NGLY1: variants seen among roughly 807,000 people sequenced by gnomAD.
The protein encoded by NGLY1 is N-glycanase 1.
In NGLY1, 68 loss-of-function variants were observed where a neutral mutation model predicts 84.6. The observed-to-expected ratio is 0.80, with a 90% CI of 0.66 to 0.98. The LOEUF (loss-of-function observed/expected upper bound fraction) is 0.98, where lower values mean the gene tolerates loss of function less well. Among genes scored for constraint, NGLY1 ranks in the 50% least tolerant of loss-of-function variants. NGLY1 has a pLI of 0.00. For synonymous variants in NGLY1, 280 were observed against 275.2 expected (o/e 1.02, Z -0.17); for missense variants, 779 against 770.2 (o/e 1.01, Z -0.14).
intron 3 of NGLY1, chr3:25,755,182 C>T: frequency 7.8e-7 from 1 of 1,289,068 alleles, no homozygotes; most frequent in South Asian, 1.2e-5. Context: ...CCTCTCTTCC[C>T]CCAAGAGGTT....
At chr3:25,760,607 C>T (rs940948285) in intron 3 of NGLY1, among the ~76,000 whole-genome samples, 1 of 152,004 alleles carries the variant, frequency 6.6e-6, no homozygotes, top group African/African-American at 2.4e-5. Context: ...ACGCCTGTAA[C>T]CCAGCACTTT....
At chr3:25,758,450 C>A (rs1388171836) in intron 3 of NGLY1, among the ~76,000 whole-genome samples, 1 of 151,998 alleles carries the variant, frequency 6.6e-6, no homozygotes, top group Non-Finnish European at 1.5e-5. Flanking sequence ...TTGGGGCACA[C>A]ACCTGTAGTC....
chr3:25,760,500 T>C (rs1707256736), intron 3 of NGLY1, among the ~76,000 whole-genome samples: 1 of 151,802 alleles, frequency 6.6e-6, no homozygotes, highest in African/African-American at 2.4e-5. Flanking sequence ...CTTTTAAGAG[T>C]GGTAGGTTCA....
intron 4 of NGLY1, among the ~76,000 whole-genome samples, chr3:25,742,881 T>C (rs1432605872): frequency 2.5e-5 from 2 of 79,808 alleles, no homozygotes; most frequent in African/African-American, 1.0e-4. Flanking sequence ...TTACCTTATG[T>C]GGCAAAAAAA....
rs148625951 is a variant in NGLY1, at chr3:25,719,524, C to G, written c.1901G>C (p.Arg634Thr). 4 of 1,613,882 alleles carry G rather than the reference C, an allele frequency of 2.5e-6. No homozygotes were observed. Among genetic ancestry groups the G allele is most frequent in the African/African-American group, 1.3e-5 (1 of 74,902 alleles). The change falls in exon 12 of 12, where the codon AGA (arginine) becomes ACA (threonine). Residue 634 changes from arginine to threonine, a missense_variant. Coordinates refer to ENST00000280700, the MANE Select transcript of NGLY1 (RefSeq NM_018297.4). ...TTCTTCATGGTCATTTAAGCTTTGTCTAAACAGCTGGGTGTGTTGCCAAGC... is the reference window on the plus strand; with the variant it reads ...TTCTTCATGGTCATTTAAGCTTTGTGTAAACAGCTGGGTGTGTTGCCAAGC... ...DVAWQHTQLF[R>T]QSLNDHEENC...
At chr3:25,733,438 C>T (rs1705644668) in intron 8 of NGLY1, among the ~76,000 whole-genome samples, 1 of 148,982 alleles carries the variant, frequency 6.7e-6, no homozygotes, top group African/African-American at 2.5e-5. Flanking sequence ...ACTTCCTGTG[C>T]CTTGCTTCAG....
intron 4 of NGLY1, among the ~76,000 whole-genome samples, chr3:25,745,153 T>C (rs1203249178): frequency 6.6e-6 from 1 of 152,240 alleles, no homozygotes; most frequent in Non-Finnish European, 1.5e-5. Flanking sequence ...TCAGCAATAA[T>C]GGAAATAATT....
In NGLY1 at chr3:25,733,914, T is replaced by C. The variant is rs1425459428; in HGVS notation, c.1218A>G (p.Lys406=). 1.9e-6 allele frequency: 3 copies of C among 1,613,776 alleles called. No homozygotes were observed. Among genetic ancestry groups the C allele is most frequent in the Non-Finnish European group, 2.5e-6 (3 of 1,179,908 alleles). ...TAATAGTGTCTCGAAGTAATGCTTC[T>C]TTAACCTTAGTTCTTCTGGCAATCA... is the stretch of plus-strand genomic sequence containing the variant. ...EEVIARRTKV[K]EALLRDTING... is the part of the protein sequence containing the mutation. Residue 406 remains lysine, a synonymous_variant, in exon 8 of 12, where the codon AAA becomes AAG. Coordinates refer to ENST00000280700, the MANE Select transcript of NGLY1 (RefSeq NM_018297.4).
chr3:25,778,707 T>C lies in NGLY1; in HGVS notation c.132-19A>G, dbSNP rs374594731. The C allele has an allele frequency of 4.1e-6, 6 of 1,470,292 alleles. No individual in the cohort carries two copies. Among genetic ancestry groups the C allele is most frequent in the Non-Finnish European group, 5.6e-6 (6 of 1,065,822 alleles). 91.1% of individuals were successfully genotyped at this position (1,470,292 alleles called of 1,614,324 possible). On this transcript the variant is annotated intron_variant, in intron 1 of 11. Transcript: ENST00000280700. ...AGGGTTTCTGACAAAAAACAAAAGT[T>C]TGATTATATATAAAAAAAACCAGGT...
In NGLY1 at chr3:25,720,098, T is replaced by A. The variant is rs772327240; in HGVS notation, c.1705A>T (p.Ile569Phe). ...SVGLKVDSIS[I>F]RTSSQTFQTG... ...TGAAAAGTTTGACTACTTGTTCTAA[T>A]AGAAATGCTATCTACTTTTAGGCCA... The change falls in exon 11 of 12, where the codon ATT (isoleucine) becomes TTT (phenylalanine). Residue 569 changes from isoleucine to phenylalanine, a missense_variant. Coordinates refer to ENST00000280700, the MANE Select transcript of NGLY1 (RefSeq NM_018297.4). The A allele has an allele frequency of 2.5e-6, 4 of 1,613,784 alleles. No homozygotes were observed. In the South Asian group the frequency reaches 4.4e-5, roughly 18 times the overall value.
At chr3:25,778,369 T>G (rs1164633851) in intron 2 of NGLY1, 1 of 399,324 alleles carries the variant, frequency 2.5e-6, no homozygotes, top group Non-Finnish European at 4.6e-6. Context: ...AGAATTTCTC[T>G]GTGGAGCGTT....
intron 9 of NGLY1, among the ~76,000 whole-genome samples, chr3:25,730,892 T>A (rs3773425): frequency 0.82 from 123,857 of 151,944 alleles, 50,878 homozygotes; most frequent in East Asian, 0.94. Flanking sequence ...TTTCATTGCA[T>A]ATTTCCTAAA....
Position 25,737,812 on chromosome 3 carries a change from G to C in NGLY1, c.882-357C>G, listed in dbSNP as rs188317146. Among the ~76,000 whole-genome samples, 592 of 152,234 alleles carry C rather than the reference G, an allele frequency of 3.9e-3. 4 individuals are homozygous for C. The highest frequency in any genetic ancestry group is 0.014 in the African/African-American group (566 of 41,532). On this transcript the variant is annotated intron_variant, in intron 5 of 11. Transcript: ENST00000280700. ...GCCCGCCTCAGCCTCCCAAAGTGCTGAGATTACAGGTGTGAGCCACTGCGC... is the reference window on the plus strand; with the variant it reads ...GCCCGCCTCAGCCTCCCAAAGTGCTCAGATTACAGGTGTGAGCCACTGCGC...
chr3:25,765,117 T>C (rs1437465437), intron 2 of NGLY1, among the ~76,000 whole-genome samples: 7 of 152,158 alleles, frequency 4.6e-5, no homozygotes, highest in South Asian at 2.1e-4. Flanking sequence ...TTTCCAGGTA[T>C]TGAAAAGAAA....
At chr3:25,757,887 A>C (rs1379954720) in intron 3 of NGLY1, among the ~76,000 whole-genome samples, 2 of 152,206 alleles carry the variant, frequency 1.3e-5, no homozygotes, top group African/African-American at 4.8e-5. Flanking sequence ...AAGAGAAAAA[A>C]ATGTCATAAA....
At chr3:25,764,930 GAACAA>G (rs1003926916) in intron 2 of NGLY1, among the ~76,000 whole-genome samples, 20 of 152,074 alleles carry the variant, frequency 1.3e-4, no homozygotes, top group African/African-American at 4.6e-4. Context: ...AAGGTAATCC[GAACAA>G]AACAAAAGAA....
At chr3:25,740,366 C>CCCTAGT (rs1334305646) in intron 4 of NGLY1, among the ~76,000 whole-genome samples, 1 of 152,074 alleles carries the variant, frequency 6.6e-6, no homozygotes, top group South Asian at 2.1e-4. Context: ...TATATAACAA[C>CCCTAGT]CCTAGTAAGT....
chr3:25,722,192 G>A (rs1265702758), intron 10 of NGLY1, among the ~76,000 whole-genome samples: 6 of 151,410 alleles, frequency 4.0e-5, no homozygotes, highest in African/African-American at 9.7e-5. Flanking sequence ...ACTCCAGCCC[G>A]GGTGACAGAG....
At chr3:25,761,814 A>C (rs1287251963) in intron 3 of NGLY1, among the ~76,000 whole-genome samples, 1 of 152,224 alleles carries the variant, frequency 6.6e-6, no homozygotes, top group African/African-American at 2.4e-5. Flanking sequence ...CCAAATGTCC[A>C]TCAACTGATG....
Sources: gnomAD v4.1 joint callset for allele counts (sites outside exome capture counted in the v4.1 genomes callset) on GRCh38, gnomAD v4.1.1 for gene constraint, MANE v1.5 for transcripts, NCBI Gene and HGNC (gene_info 2026-07-23, HGNC 2026-07-21) for gene names.